PF4: variants seen among roughly 807,000 people sequenced by gnomAD.
PF4 encodes C-X-C motif chemokine 4.
In PF4, 8 loss-of-function variants were observed where a neutral mutation model predicts 6.9. The ratio of observed to expected loss-of-function variants is 1.16; its 90% CI spans 0.68 to 2.09. The LOEUF is 2.09. Among genes scored for constraint, PF4 ranks in the 30% most tolerant of loss-of-function variants. The pLI is 0.00. For synonymous variants in PF4, 55 were observed against 56.5 expected (o/e 0.97, Z 0.12); for missense variants, 111 against 122.9 (o/e 0.90, Z 0.46).
intron 1 of PF4, 21 bp from the exon 2 acceptor site, chr4:73,981,564 G>C: frequency 6.2e-7 from 1 of 1,606,554 alleles, no homozygotes; most frequent in Non-Finnish European, 8.5e-7. Flanking sequence ...AATGGAGAGG[G>C]TAAGAGAGGA....
chr4:73,982,059 C>G, upstream of PF4: 1 of 903,692 alleles, frequency 1.1e-6, no homozygotes, highest in Non-Finnish European at 1.7e-6. Flanking sequence ...CGTTTTATTC[C>G]CGGCTGTCCT....
At chr4:73,981,575 G>C (rs352007) in intron 1 of PF4, 32 bp from the exon 2 acceptor site, 1,396,721 of 1,599,164 alleles carry the variant, frequency 0.87, 614,081 homozygotes, top group East Asian at 0.97. Flanking sequence ...TAAGAGAGGA[G>C]GAGGGGAGGG....
At chr4:73,981,354 G>C (rs577204132) in intron 2 of PF4, 63 bp from the exon 3 acceptor site, 1 of 1,614,014 alleles carries the variant, frequency 6.2e-7, no homozygotes, top group African/African-American at 1.3e-5. Flanking sequence ...GCATTAGAAG[G>C]GGGAGGGTTG....
chr4:73,982,016 T>C lies in PF4; in HGVS notation c.-63A>G, dbSNP rs1012507285. ...TGCGATGGGAAACTCGGGCTGGGTC[T>C]CTGTGGCCAATGACTCCTGAGCCTC... On this transcript the variant is annotated 5_prime_UTR_variant, in exon 1 of 3. Coordinates refer to ENST00000296029, the MANE Select transcript of PF4 (RefSeq NM_002619.4). 4 of 1,391,956 alleles carry C rather than the reference T, an allele frequency of 2.9e-6. No homozygotes were observed. In the African/African-American group the frequency reaches 5.8e-5, roughly 20 times the overall value. The allele number at this position is 1,391,956 out of a possible 1,614,324, so 86.2% of individuals were successfully genotyped here. A position where few individuals can be genotyped will look rare whatever the true frequency, so the allele number is the denominator to read the frequency against.
intron 1 of PF4, 158 bp from the exon 2 acceptor site, chr4:73,981,701 G>GGGAGGT (rs1198340233): frequency 5.1e-6 from 5 of 985,258 alleles, no homozygotes; most frequent in Non-Finnish European, 6.0e-6. Flanking sequence ...CTAACCAGGT[G>GGGAGGT]GGAGGTGCAG....
chr4:73,981,707 T>A lies in PF4; in HGVS notation c.91+156A>T, dbSNP rs1048718767. 21 of 985,128 alleles carry A rather than the reference T, an allele frequency of 2.1e-5. No homozygotes were observed. The African/African-American group carries it at 3.1e-4, about 15-fold the overall frequency. 61.0% of individuals were successfully genotyped at this position (985,128 alleles called of 1,614,324 possible). On this transcript the variant is annotated intron_variant, in intron 1 of 2. Transcript: ENST00000296029. ...GAAGTTGTTCTAACCAGGTGGGAGGTGCAGGTGCAGCGCCTGGCACTGTGG... is the reference window on the plus strand; with the variant it reads ...GAAGTTGTTCTAACCAGGTGGGAGGAGCAGGTGCAGCGCCTGGCACTGTGG...
In PF4 at chr4:73,981,112, A is replaced by G. The variant is rs1718770190; in HGVS notation, c.*92T>C. On this transcript the variant is annotated 3_prime_UTR_variant, in exon 3 of 3. Transcript: ENST00000296029. ...TTGTTTATTTAAAATCATAAGGATA[A>G]CACAAATATCAGAAGTTCTTTCACA... is the stretch of plus-strand genomic sequence containing the variant. The G allele has an allele frequency of 1.2e-6, 1 of 867,424 alleles. No individual in the cohort carries two copies. The highest frequency in any genetic ancestry group is 1.5e-5 in the South Asian group (1 of 64,752). 53.7% of individuals were successfully genotyped at this position (867,424 alleles called of 1,614,324 possible). A position where few individuals can be genotyped will look rare whatever the true frequency, so the allele number is the denominator to read the frequency against.
rs544229952 is a variant in PF4 at position 73,981,771 on chromosome 4, A to G, written c.91+92T>C. On this transcript the variant is annotated intron_variant, in intron 1 of 2. Coordinates refer to ENST00000296029, the MANE Select transcript of PF4 (RefSeq NM_002619.4). The stretch of plus-strand genomic sequence containing the variant: ...AGGCTCTCCGTTAAGTGTGGCTGTG[A>G]TCATGATCCTAGAGGATTCCTCCCC... The G allele has an allele frequency of 5.3e-6, 8 of 1,502,376 alleles. No individual in the cohort carries two copies. The East Asian group carries it at 2.0e-4, about 37-fold the overall frequency. The allele number at this position is 1,502,376 out of a possible 1,614,324, so 93.1% of individuals were successfully genotyped here.
At position 73,981,042 on chromosome 4, in the gene PF4, A is replaced by T. The variant is rs563084152; in HGVS notation, c.*162T>A. The T allele has an allele frequency of 2.3e-5, 14 of 599,464 alleles. No individual in the cohort carries two copies. Among genetic ancestry groups the T allele is most frequent in the African/African-American group, 2.2e-4 (12 of 54,126 alleles). The allele number at this position is 599,464 out of a possible 1,614,324, so 37.1% of individuals were successfully genotyped here. On this transcript the variant is annotated 3_prime_UTR_variant, in exon 3 of 3. Transcript: ENST00000296029. ...TGTTATGTGTCAACACAATTTTTGC[A>T]CTATTATTAAGAAGTATTTTGACTA...
At chr4:73,981,383 C>T (rs779080099) in intron 2 of PF4, 34 bp downstream of exon 2, 107 of 1,613,884 alleles carry the variant, frequency 6.6e-5, no homozygotes, top group Non-Finnish European at 8.6e-5. Context: ...AGGCACGGAG[C>T]GGGAGCACTG....
In PF4 at chr4:73,981,210, C is replaced by G. The variant is rs1312351422; in HGVS notation, c.300G>C (p.Glu100Asp). The G allele has an allele frequency of 6.2e-7, 1 of 1,613,196 alleles. No homozygotes were observed. Residue 100 changes from glutamate to aspartate, a missense_variant, in exon 3 of 3, where the codon GAG becomes GAC. By Grantham distance (45) the Glu-to-Asp change is conservative. Coordinates refer to ENST00000296029, the MANE Select transcript of PF4 (RefSeq NM_002619.4). The stretch of plus-strand genomic sequence containing the variant: ...ACACGTAGGCAGCTAGTAGCTAACT[C>G]TCCAAAAGTTTCTTAATTATTTTCT... Reference protein sequence around the residue: ...LYKKIIKKLLES With the variant: ...LYKKIIKKLLDS
chr4:73,982,056 T>C, upstream of PF4: 1 of 916,914 alleles, frequency 1.1e-6, no homozygotes, highest in Non-Finnish European at 1.7e-6. Flanking sequence ...GCACGTTTTA[T>C]TCCCGGCTGT....
At chr4:73,981,566 A>G (rs1335591844) in intron 1 of PF4, 23 bp from the exon 2 acceptor site, 1 of 1,604,310 alleles carries the variant, frequency 6.2e-7, no homozygotes. Flanking sequence ...TGGAGAGGGT[A>G]AGAGAGGAGG....
At chr4:73,981,605 G>C (rs1313910411) in intron 1 of PF4, 62 bp from the exon 2 acceptor site, 1 of 1,559,786 alleles carries the variant, frequency 6.4e-7, no homozygotes, top group African/African-American at 1.4e-5. Flanking sequence ...TCCATGAGTA[G>C]CCAGAGGTAC....
intron 1 of PF4, 149 bp downstream of exon 1, chr4:73,981,714 G>T: frequency 1.4e-6 from 2 of 1,473,206 alleles, no homozygotes; most frequent in Non-Finnish European, 1.8e-6. Context: ...AGGTGCAGGT[G>T]CAGCGCCTGG....
rs1291548752 is a variant in PF4, at chr4:73,982,004, T to C, written c.-51A>G. On this transcript the variant is annotated 5_prime_UTR_variant, in exon 1 of 3. Transcript: ENST00000296029. Reference sequence around the variant, plus strand: ...CTCAGTGCTCAGTGCGATGGGAAACTCGGGCTGGGTCTCTGTGGCCAATGA... The same window carrying C: ...CTCAGTGCTCAGTGCGATGGGAAACCCGGGCTGGGTCTCTGTGGCCAATGA... The C allele has an allele frequency of 2.1e-6, 3 of 1,451,780 alleles. No homozygotes were observed. The highest frequency in any genetic ancestry group is 2.8e-6 in the Non-Finnish European group (3 of 1,060,772). 89.9% of individuals were successfully genotyped at this position (1,451,780 alleles called of 1,614,324 possible). A position where few individuals can be genotyped will look rare whatever the true frequency, so the allele number is the denominator to read the frequency against.
At position 73,981,071 on chromosome 4, in the gene PF4, T is replaced by C. The variant is rs1560543873; in HGVS notation, c.*133A>G. 2 of 696,192 alleles carry C rather than the reference T, an allele frequency of 2.9e-6. No homozygotes were observed. Among genetic ancestry groups the C allele is most frequent in the South Asian group, 2.0e-5 (1 of 50,826 alleles). The allele number at this position is 696,192 out of a possible 1,614,324, so 43.1% of individuals were successfully genotyped here. ...TTATTAAGAAGTATTTTGACTATACTACAACTTGATTTATTTTGTTTATTT... is the reference window on the plus strand; with the variant it reads ...TTATTAAGAAGTATTTTGACTATACCACAACTTGATTTATTTTGTTTATTT... On this transcript the variant is annotated 3_prime_UTR_variant, in exon 3 of 3. Transcript: ENST00000296029.
rs1388279256 is a variant in PF4 at position 73,981,935 on chromosome 4, A to G, written c.19T>C (p.Phe7Leu). The change falls in exon 1 of 3, where the codon TTC becomes CTC. Residue 7 changes from phenylalanine (F) to leucine (L), a missense_variant. Transcript: ENST00000296029. MSSAAGFCASRPGLLFL... is the reference protein window; with the variant it reads MSSAAGLCASRPGLLFL... Reference sequence around the variant, plus strand: ...AGCAGCCCGGGGCGTGAGGCGCAGAACCCGGCTGCGGAGCTCATGCTGCGG... The same window carrying G: ...AGCAGCCCGGGGCGTGAGGCGCAGAGCCCGGCTGCGGAGCTCATGCTGCGG... The G allele has an allele frequency of 1.0e-5, 16 of 1,550,692 alleles. No homozygotes were observed. The East Asian group carries it at 3.4e-4, about 33-fold the overall frequency.
Position 73,981,995 on chromosome 4 carries a change from A to C in PF4, c.-42T>G. ...CAGCAGGATCTCAGTGCTCAGTGCG[A>C]TGGGAAACTCGGGCTGGGTCTCTGT... On this transcript the variant is annotated 5_prime_UTR_variant, in exon 1 of 3. Transcript: ENST00000296029. The C allele has an allele frequency of 6.6e-7, 1 of 1,503,956 alleles. No individual in the cohort carries two copies. The highest frequency in any genetic ancestry group is 1.2e-5 in the South Asian group (1 of 82,982). 93.2% of individuals were successfully genotyped at this position (1,503,956 alleles called of 1,614,324 possible).
Sources: allele counts gnomAD v4.1 joint callset, GRCh38; gene constraint gnomAD v4.1.1; transcripts MANE v1.5; gene names NCBI Gene and HGNC (gene_info 2026-07-23, HGNC 2026-07-21).